PRDM11: variants seen among roughly 807,000 people sequenced by gnomAD.
The protein encoded by PRDM11 is PR domain-containing protein 11.
PRDM11 carries 20 observed loss-of-function variants against 97.8 expected under a neutral mutation model. The observed-to-expected ratio is 0.20, with a 90% CI of 0.14 to 0.30. The LOEUF (loss-of-function observed/expected upper bound fraction) is 0.30, where lower values mean the gene tolerates loss of function less well. Among genes scored for constraint, PRDM11 ranks in the 10% least tolerant of loss-of-function variants. The pLI is 1.00. For synonymous variants in PRDM11, 599 were observed against 637.7 expected (o/e 0.94, Z 0.91); for missense variants, 1,139 against 1,555.2 (o/e 0.73, Z 4.50).
chr11:45,193,063 A>C (rs1035789142), intron 4 of PRDM11, among the ~76,000 whole-genome samples: 5 of 152,160 alleles, frequency 3.3e-5, no homozygotes, highest in African/African-American at 9.7e-5. Context: ...AACACTGGGA[A>C]ATCTTTTATT....
intron 1 of PRDM11, among the ~76,000 whole-genome samples, chr11:45,176,332 G>A (rs747272345): frequency 3.3e-5 from 5 of 152,144 alleles, no homozygotes; most frequent in Non-Finnish European, 7.3e-5. Context: ...AGCCGAGATC[G>A]TGCCATTGTA....
Position 45,096,345 on chromosome 11 carries a change from G to A in PRDM11, c.96+444G>A, listed in dbSNP as rs185265204. 4.1e-3 allele frequency among the ~76,000 whole-genome samples: 617 copies of A among 152,296 alleles called. 7 individuals carry two copies. The highest frequency in any genetic ancestry group is 0.031 in the South Asian group (151 of 4,830). On this transcript the variant is annotated intron_variant, in intron 1 of 6. Coordinates refer to the PRDM11 transcript ENST00000530656. ...TGAGCACCTATTGTGTGCAGGCACC[G>A]TGCTGGATGCTTTAGGTAAACCATT...
At chr11:45,145,394 A>G (rs918813516), upstream of PRDM11, among the ~76,000 whole-genome samples, 1 of 152,116 alleles carries the variant, frequency 6.6e-6, no homozygotes, top group Non-Finnish European at 1.5e-5. Flanking sequence ...AAAAGCCATG[A>G]GCACCCCCAT....
chr11:45,182,212 C>G, intron 2 of PRDM11, 34 bp from the exon 3 acceptor site: 1 of 1,591,438 alleles, frequency 6.3e-7, no homozygotes, highest in Non-Finnish European at 8.6e-7. Context: ...CTGATGACTT[C>G]TTTGCTTTCT....
At chr11:45,168,610 C>T (rs1241303797) in intron 1 of PRDM11, among the ~76,000 whole-genome samples, 1 of 152,182 alleles carries the variant, frequency 6.6e-6, no homozygotes, top group African/African-American at 2.4e-5. Context: ...CCTTTCAGCT[C>T]TACCCAGGTT....
chr11:45,120,817 A>G (rs1222211077), intron 1 of PRDM11, among the ~76,000 whole-genome samples: 1 of 152,176 alleles, frequency 6.6e-6, no homozygotes, highest in Non-Finnish European at 1.5e-5. Context: ...ACCAGCAATA[A>G]TGACAATGTA....
At chr11:45,132,992 AT>A (rs1852753965) in intron 1 of PRDM11, among the ~76,000 whole-genome samples, 1 of 151,990 alleles carries the variant, frequency 6.6e-6, no homozygotes, top group Non-Finnish European at 1.5e-5. Context: ...CCCCATCCCC[AT>A]CCCCAAATTA....
At chr11:45,148,935 C>G (rs770832220) in intron 1 of PRDM11, among the ~76,000 whole-genome samples, 14 of 152,140 alleles carry the variant, frequency 9.2e-5, no homozygotes, top group Non-Finnish European at 1.5e-5. Flanking sequence ...TAATCTTCCT[C>G]TCTAAACCTC....
intron 1 of PRDM11, among the ~76,000 whole-genome samples, chr11:45,135,761 A>C (rs1451958529): frequency 2.0e-5 from 3 of 152,230 alleles, no homozygotes; most frequent in African/African-American, 7.2e-5. Context: ...TATAAATTTA[A>C]TGGCATTCCC....
At chr11:45,196,628 A>G (rs1342190698) in intron 4 of PRDM11, among the ~76,000 whole-genome samples, 1 of 152,138 alleles carries the variant, frequency 6.6e-6, no homozygotes, top group Non-Finnish European at 1.5e-5. Context: ...GTTCTTCCCC[A>G]AGGGTCCAAA....
chr11:45,224,025 G>A (rs771544261), intron 6 of PRDM11, among the ~76,000 whole-genome samples, 192 bp from the exon 7 acceptor site: 5 of 152,280 alleles, frequency 3.3e-5, no homozygotes, highest in South Asian at 2.1e-4. Flanking sequence ...TCTTTCCACC[G>A]TTCAGGTCCT....
chr11:45,143,298 C>G (rs1021857427), upstream of PRDM11, among the ~76,000 whole-genome samples: 1 of 152,146 alleles, frequency 6.6e-6, no homozygotes, highest in Non-Finnish European at 1.5e-5. Flanking sequence ...TTGGAGCTAA[C>G]AGGAAGTATT....
intron 1 of PRDM11, among the ~76,000 whole-genome samples, chr11:45,147,764 G>T (rs1423212381): frequency 2.6e-5 from 4 of 152,318 alleles, no homozygotes; most frequent in African/African-American, 9.6e-5. Flanking sequence ...CCCCCAGGCT[G>T]GGCTGGGATT....
At chr11:45,213,650 A>G in intron 5 of PRDM11, 1 of 456,086 alleles carries the variant, frequency 2.2e-6, no homozygotes, top group Non-Finnish European at 4.4e-6. Context: ...GCATTCATAG[A>G]GAGCACTTTA....
chr11:45,131,688 T>A (rs1277884449), intron 1 of PRDM11, among the ~76,000 whole-genome samples: 1 of 152,184 alleles, frequency 6.6e-6, no homozygotes, highest in Non-Finnish European at 1.5e-5. Flanking sequence ...CTTTTGAAAA[T>A]GTTCATGGTA....
upstream of PRDM11, among the ~76,000 whole-genome samples, chr11:45,144,546 T>C (rs761691020): frequency 1.4e-4 from 21 of 152,184 alleles, no homozygotes; most frequent in Non-Finnish European, 2.5e-4. Flanking sequence ...CTCTTAAAGA[T>C]CTTTTTGCTC....
At position 45,226,767 on chromosome 11, in the gene PRDM11, G is replaced by C. The variant is rs1271233610; in HGVS notation, c.2142G>C (p.Ser714=). ...TCCAGGCACTTGACCGGGCCTTCTC[G>C]GCCTTGGGCATCCGGTTGCAGGATG... ...SYLQALDRAF[S]ALGIRLQDEK... is the part of the protein sequence containing the mutation. The change falls in exon 8 of 8, where the codon TCG becomes TCC. Residue 714 remains serine, a synonymous_variant. Transcript: ENST00000683152. 1 of 1,533,820 alleles carries C rather than the reference G, an allele frequency of 6.5e-7. No homozygotes were observed. The highest frequency in any genetic ancestry group is 1.2e-5 in the South Asian group (1 of 83,966).
chr11:45,156,938 A>C (rs1406025883), intron 1 of PRDM11, among the ~76,000 whole-genome samples: 1 of 152,166 alleles, frequency 6.6e-6, no homozygotes, highest in Non-Finnish European at 1.5e-5. Context: ...AGGAATGGCA[A>C]GCGGTCATGG....
At chr11:45,112,291 A>G (rs1210845257) in intron 1 of PRDM11, among the ~76,000 whole-genome samples, 1 of 152,244 alleles carries the variant, frequency 6.6e-6, no homozygotes, top group Non-Finnish European at 1.5e-5. Context: ...CTTATGGCTG[A>G]GTAATATTCC....
Sources: allele counts gnomAD v4.1 joint callset (sites outside exome capture counted in the v4.1 genomes callset), GRCh38; gene constraint gnomAD v4.1.1; transcripts MANE v1.5; gene names NCBI Gene and HGNC (gene_info 2026-07-23, HGNC 2026-07-21).